The following SLC5A4 variants were observed in gnomAD, a reference collection of about 807,000 sequenced individuals.
SLC5A4 encodes the protein solute carrier family 5 member 4, also known as probable glucose sensor protein SLC5A4.
A neutral mutation model predicts 70.3 loss-of-function variants in SLC5A4; 55 were observed. The observed-to-expected ratio is 0.78, with a 90% CI of 0.63 to 0.98. The LOEUF (loss-of-function observed/expected upper bound fraction) is 0.98, where lower values mean the gene tolerates loss of function less well. Ranked by LOEUF, SLC5A4 falls within the 50% of genes least tolerant of loss-of-function variation. SLC5A4 has a pLI of 0.00. For synonymous variants in SLC5A4, 268 were observed against 305.7 expected (o/e 0.88, Z 1.29); for missense variants, 735 against 839.2 (o/e 0.88, Z 1.53).
At chr22:32,323,038 C>G in the SLC5A4 span, among the ~76,000 whole-genome samples, 3 of 152,204 alleles carry the variant, frequency 2.0e-5, no homozygotes, top group East Asian at 5.8e-4. Flanking sequence ...CAGGCACTCC[C>G]TGCACTGCAA....
At chr22:32,286,016 G>A in the SLC5A4 span, among the ~76,000 whole-genome samples, 13 of 152,164 alleles carry the variant, frequency 8.5e-5, no homozygotes, top group Non-Finnish European at 1.3e-4. Context: ...GATTACAGGC[G>A]TGAGCCACCG....
At chr22:32,237,618 G>T (rs1277051554) in intron 6 of SLC5A4, among the ~76,000 whole-genome samples, 1 of 152,178 alleles carries the variant, frequency 6.6e-6, no homozygotes, top group Non-Finnish European at 1.5e-5. Flanking sequence ...TACCATGAAA[G>T]TTTCTCTTAA....
intron 5 of SLC5A4, among the ~76,000 whole-genome samples, chr22:32,239,504 C>G (rs1926261065): frequency 2.1e-5 from 2 of 93,874 alleles, no homozygotes; most frequent in African/African-American, 7.7e-5. Flanking sequence ...TGCACTCCAG[C>G]CTGGGAGTGC....
At chr22:32,304,179 T>G in the SLC5A4 span, among the ~76,000 whole-genome samples, 1 of 152,126 alleles carries the variant, frequency 6.6e-6, no homozygotes, top group East Asian at 1.9e-4. Flanking sequence ...CGGGGTGGAG[T>G]GCAATGGTGC....
the SLC5A4 span, among the ~76,000 whole-genome samples, chr22:32,304,590 T>C: frequency 6.6e-6 from 1 of 152,232 alleles, no homozygotes; most frequent in African/African-American, 2.4e-5. Context: ...TGTTTTCTTA[T>C]GGTTGAGTTT....
chr22:32,270,317 C>T, the SLC5A4 span: 3 of 956,226 alleles, frequency 3.1e-6, no homozygotes, highest in South Asian at 1.3e-5. Flanking sequence ...GTGGTTTGCT[C>T]CAGCCACAGG....
the SLC5A4 span, among the ~76,000 whole-genome samples, chr22:32,291,278 C>T: frequency 1.1e-3 from 172 of 149,972 alleles, 1 homozygote; most frequent in Middle Eastern, 3.5e-3. Context: ...CGGGTTCAAG[C>T]GATTCTCTTG....
chr22:32,219,232 G>A (rs1283220717), intron 14 of SLC5A4, among the ~76,000 whole-genome samples: 1 of 152,162 alleles, frequency 6.6e-6, no homozygotes, highest in African/African-American at 2.4e-5. Flanking sequence ...CTATATTGTT[G>A]CTAGGGAAGC....
the SLC5A4 span, among the ~76,000 whole-genome samples, chr22:32,336,884 G>A: frequency 1.5e-3 from 225 of 152,336 alleles, 1 homozygote; most frequent in African/African-American, 4.9e-3. Flanking sequence ...CTTAACACGC[G>A]GCATGGCCTA....
chr22:32,306,381 G>C, the SLC5A4 span, among the ~76,000 whole-genome samples: 81 of 151,882 alleles, frequency 5.3e-4, no homozygotes, highest in East Asian at 0.014. Context: ...CAGGAGAATG[G>C]CGTGAACCTG....
chr22:32,301,279 G>C, the SLC5A4 span, among the ~76,000 whole-genome samples: 1 of 152,150 alleles, frequency 6.6e-6, no homozygotes, highest in Non-Finnish European at 1.5e-5. Context: ...AGTTTCTAAA[G>C]AAACTATCAA....
At chr22:32,241,255 G>A (rs1926490703) in intron 5 of SLC5A4, among the ~76,000 whole-genome samples, 1 of 152,222 alleles carries the variant, frequency 6.6e-6, no homozygotes, top group Non-Finnish European at 1.5e-5. Context: ...TAACCAGTGG[G>A]CAACTGTAAG....
the SLC5A4 span, among the ~76,000 whole-genome samples, chr22:32,322,781 G>A: frequency 3.3e-5 from 5 of 152,080 alleles, no homozygotes; most frequent in Non-Finnish European, 7.4e-5. Flanking sequence ...ACATGCCAAG[G>A]GAAGCTGAGA....
At chr22:32,261,784 T>C in the SLC5A4 span, among the ~76,000 whole-genome samples, 1 of 152,346 alleles carries the variant, frequency 6.6e-6, no homozygotes. Context: ...TTCTGTTTTT[T>C]TGTACCCATT....
At chr22:32,297,800 A>G in the SLC5A4 span, among the ~76,000 whole-genome samples, 2 of 115,418 alleles carry the variant, frequency 1.7e-5, no homozygotes, top group African/African-American at 6.5e-5. Flanking sequence ...TAGTGCTATA[A>G]ATTTCCCTCT....
chr22:32,318,588 A>C, the SLC5A4 span, among the ~76,000 whole-genome samples: 1 of 151,942 alleles, frequency 6.6e-6, no homozygotes, highest in African/African-American at 2.4e-5. Flanking sequence ...TTGGAATCTC[A>C]ACAAGCCTTA....
chr22:32,291,878 C>CTT, the SLC5A4 span, among the ~76,000 whole-genome samples: 1 of 37,104 alleles, frequency 2.7e-5, no homozygotes, highest in Non-Finnish European at 5.9e-5. Context: ...TCTTTTCTAT[C>CTT]TTTTTTTTTT....
chr22:32,341,615 G>A, the SLC5A4 span, among the ~76,000 whole-genome samples: 4 of 152,184 alleles, frequency 2.6e-5, no homozygotes, highest in African/African-American at 4.8e-5. Context: ...GCTCACGGAC[G>A]TGACGCCGGA....
chr22:32,273,660 T>A, the SLC5A4 span, among the ~76,000 whole-genome samples: 3 of 152,188 alleles, frequency 2.0e-5, no homozygotes, highest in Non-Finnish European at 4.4e-5. Context: ...CTCACAAGTA[T>A]TTGCTGAGTG....
Sources: gnomAD v4.1 joint callset for allele counts (sites outside exome capture counted in the v4.1 genomes callset) on GRCh38, gnomAD v4.1.1 for gene constraint, MANE v1.5 for transcripts, NCBI Gene and HGNC (gene_info 2026-07-23, HGNC 2026-07-21) for gene names.